Variants in DOCK10 observed in about 807,000 individuals in gnomAD.
DOCK10 encodes dedicator of cytokinesis protein 10.
A neutral mutation model predicts 280.1 loss-of-function variants in DOCK10; 145 were observed. The ratio of observed to expected loss-of-function variants is 0.52; its 90% CI spans 0.45 to 0.59. The LOEUF is 0.59. Ranked by LOEUF, DOCK10 falls within the 20% of genes least tolerant of loss-of-function variation. DOCK10 has a pLI of 0.00. For synonymous variants in DOCK10, 915 were observed against 942.2 expected, an observed-to-expected ratio of 0.97 and a Z score of 0.53; for missense variants, 2,368 against 2,651.7, an observed-to-expected ratio of 0.89 and a Z score of 2.35.
At chr2:224,929,088 T>C (rs1472552034) in intron 2 of DOCK10, among the ~76,000 whole-genome samples, 1 of 152,196 alleles carries the variant, frequency 6.6e-6, no homozygotes, top group Non-Finnish European at 1.5e-5. Context: ...GAGAGGCTTG[T>C]CCCTGGTCAC....
At chr2:224,935,968 T>C (rs747982440) in intron 1 of DOCK10, among the ~76,000 whole-genome samples, 3 of 152,158 alleles carry the variant, frequency 2.0e-5, no homozygotes, top group Non-Finnish European at 2.9e-5. Flanking sequence ...GGAGAAAATA[T>C]AGTCACCCTA....
chr2:225,018,748 C>CATACACAT (rs540276480), intron 1 of DOCK10, among the ~76,000 whole-genome samples: 1 of 54,958 alleles, frequency 1.8e-5, no homozygotes, highest in African/African-American at 4.6e-5. Flanking sequence ...TATATATACA[C>CATACACAT]ATACACATAT....
At chr2:224,925,701 A>C (rs1006383654) in intron 2 of DOCK10, among the ~76,000 whole-genome samples, 4 of 152,216 alleles carry the variant, frequency 2.6e-5, no homozygotes, top group Non-Finnish European at 5.9e-5. Flanking sequence ...CTTCCTACAC[A>C]GTGTACAGTC....
chr2:224,811,438 C>G (rs1693768646), intron 31 of DOCK10, among the ~76,000 whole-genome samples: 1 of 152,070 alleles, frequency 6.6e-6, no homozygotes, highest in Admixed American at 6.5e-5. Flanking sequence ...TGTAGGTTGC[C>G]TGTTGACTCT....
intron 1 of DOCK10, among the ~76,000 whole-genome samples, chr2:225,035,541 A>ATG (rs1444228346): frequency 3.0e-4 from 16 of 53,546 alleles, no homozygotes; most frequent in African/African-American, 1.1e-3. Context: ...TATGATATAT[A>ATG]TTATATATAT....
chr2:224,882,022 C>T (rs1273058082), intron 7 of DOCK10, among the ~76,000 whole-genome samples: 2 of 152,212 alleles, frequency 1.3e-5, no homozygotes, highest in African/African-American at 2.4e-5. Flanking sequence ...CCCATATCCA[C>T]ATGGTGGCAG....
At chr2:225,028,801 G>A (rs1363067332) in intron 1 of DOCK10, among the ~76,000 whole-genome samples, 1 of 152,164 alleles carries the variant, frequency 6.6e-6, no homozygotes, top group Admixed American at 6.5e-5. Flanking sequence ...TTTTCAACTG[G>A]CTGCCAAGCA....
chr2:224,778,485 T>C (rs1290610200), intron 50 of DOCK10: 1 of 628,180 alleles, frequency 1.6e-6, no homozygotes, highest in Non-Finnish European at 2.8e-6. Context: ...GACATTAATG[T>C]AAATATTTCC....
At chr2:224,865,716 A>G (rs1182968408) in intron 11 of DOCK10, among the ~76,000 whole-genome samples, 1 of 152,166 alleles carries the variant, frequency 6.6e-6, no homozygotes, top group Admixed American at 6.5e-5. Flanking sequence ...TAAAACAGAT[A>G]TTAACTATTT....
In DOCK10 at chr2:224,886,529, G is replaced by T; in HGVS notation, c.419C>A (p.Ala140Glu). 6.3e-7 allele frequency: 1 copy of T among 1,590,178 alleles called. No individual in the cohort carries two copies. Among genetic ancestry groups the T allele is most frequent in the East Asian group, 2.2e-5 (1 of 44,742 alleles). Reference protein sequence around the residue: ...YSGDIRQLPRAEYKPEKLPSH... With the variant: ...YSGDIRQLPREEYKPEKLPSH... ...AGGAAGCTTCTCTGGTTTGTATTCT[G>T]CTCTGATATTAAAAAAAAAAAAAGA... is the stretch of plus-strand genomic sequence containing the variant. Residue 140 changes from alanine (A) to glutamate (E), a missense_variant and splice_region_variant, in exon 5 of 56, where the codon GCA becomes GAA. Physicochemically the swap from Ala to Glu is moderately radical, Grantham distance 107 (BLOSUM62 -1). Coordinates refer to ENST00000258390, the MANE Select transcript of DOCK10 (RefSeq NM_014689.3).
intron 1 of DOCK10, among the ~76,000 whole-genome samples, chr2:224,988,153 T>C (rs1706021822): frequency 1.3e-5 from 2 of 152,160 alleles, no homozygotes; most frequent in Admixed American, 6.5e-5. Context: ...TTAAAGGTGA[T>C]ACTGCCCTGG....
intron 2 of DOCK10, among the ~76,000 whole-genome samples, chr2:224,920,554 C>T (rs1193928472): frequency 8.6e-5 from 13 of 150,296 alleles, no homozygotes; most frequent in Non-Finnish European, 1.9e-4. Flanking sequence ...TCTGGGATGC[C>T]TTTGTTTCCT....
At chr2:224,789,597 A>G (rs1692000637) in intron 47 of DOCK10, among the ~76,000 whole-genome samples, 1 of 152,102 alleles carries the variant, frequency 6.6e-6, no homozygotes, top group Non-Finnish European at 1.5e-5. Flanking sequence ...CAATGCTTGT[A>G]GGTGGGTGTG....
chr2:224,882,273 T>C (rs1287796776), intron 7 of DOCK10, among the ~76,000 whole-genome samples: 1 of 152,142 alleles, frequency 6.6e-6, no homozygotes, highest in Admixed American at 6.5e-5. Flanking sequence ...GGCCTAAATA[T>C]CTCTTAGTCC....
chr2:224,934,285 C>T (rs1039728414), intron 1 of DOCK10, among the ~76,000 whole-genome samples: 1 of 152,064 alleles, frequency 6.6e-6, no homozygotes, highest in Non-Finnish European at 1.5e-5. Context: ...GAATATTGCA[C>T]TGGGGTTATT....
chr2:224,854,801 A>G (rs1202083103), intron 16 of DOCK10, among the ~76,000 whole-genome samples, 162 bp downstream of exon 16: 1 of 150,984 alleles, frequency 6.6e-6, no homozygotes, highest in Non-Finnish European at 1.5e-5. Context: ...TGAATTCCAT[A>G]TATTTCAACT....
intron 22 of DOCK10, among the ~76,000 whole-genome samples, chr2:224,842,105 CTATTTCATTCTAAG>C (rs1393112201): frequency 6.6e-6 from 1 of 152,172 alleles, no homozygotes; most frequent in Non-Finnish European, 1.5e-5. Context: ...ACTCTCTCTT[CTATTTCATTCTAAG>C]AGGTTTTGTT....
At chr2:224,875,904 G>C in intron 8 of DOCK10, 134 bp downstream of exon 8, 1 of 804,576 alleles carries the variant, frequency 1.2e-6, no homozygotes, top group Non-Finnish European at 1.9e-6. Flanking sequence ...GAGTGATTTA[G>C]TGATTCTTGG....
intron 47 of DOCK10, among the ~76,000 whole-genome samples, chr2:224,789,414 G>T (rs1426991387): frequency 6.6e-6 from 1 of 152,164 alleles, no homozygotes; most frequent in African/African-American, 2.4e-5. Flanking sequence ...ATTATGGATA[G>T]AACATAAGAT....
Sources: allele counts gnomAD v4.1 joint callset (sites outside exome capture counted in the v4.1 genomes callset), GRCh38; gene constraint gnomAD v4.1.1; transcripts MANE v1.5; gene names NCBI Gene and HGNC (gene_info 2026-07-23, HGNC 2026-07-21).